Variants in TBC1D9B observed in about 807,000 individuals in gnomAD.
The protein encoded by TBC1D9B is TBC1 domain family, member 9B (with GRAM domain).
TBC1D9B carries 87 observed loss-of-function variants against 121.1 expected under a neutral mutation model. The observed-to-expected ratio is 0.72, with a 90% CI of 0.60 to 0.86. The LOEUF is 0.86. TBC1D9B is among the 40% of genes least tolerant of loss of function. The pLI, the probability that TBC1D9B is intolerant of heterozygous loss-of-function variation, is 0.00. For synonymous variants in TBC1D9B, 668 were observed against 670.1 expected (o/e 1.00, Z 0.05); for missense variants, 1,540 against 1,628.6 (o/e 0.95, Z 0.94).
intron 2 of TBC1D9B, 83 bp from the exon 3 acceptor site, chr5:179,899,390 G>C (rs1024399772): frequency 3.6e-5 from 43 of 1,180,882 alleles, no homozygotes; most frequent in Non-Finnish European, 5.0e-5. Flanking sequence ...AGATGAAAGT[G>C]GGTGACCTCA....
intron 18 of TBC1D9B, chr5:179,867,284 C>T (rs890107029): frequency 1.7e-5 from 13 of 753,842 alleles, no homozygotes; most frequent in South Asian, 6.5e-5. Context: ...GACACGGAGG[C>T]GGTGCAGAGG....
intron 7 of TBC1D9B, 62 bp downstream of exon 7, chr5:179,888,041 G>A (rs1760742465): frequency 6.3e-7 from 1 of 1,596,252 alleles, no homozygotes; most frequent in East Asian, 2.2e-5. Flanking sequence ...CGGGGAGGCT[G>A]ATGGATGCCC....
intron 10 of TBC1D9B, 58 bp from the exon 11 acceptor site, chr5:179,876,095 G>GTCTCT: frequency 6.9e-7 from 1 of 1,459,310 alleles, no homozygotes. Flanking sequence ...AAATAAAACT[G>GTCTCT]TCTCTCCCCA....
At chr5:179,867,622 T>A in intron 18 of TBC1D9B, 156 bp downstream of exon 18, 26 of 1,479,108 alleles carry the variant, frequency 1.8e-5, no homozygotes, top group Non-Finnish European at 2.4e-5. Context: ...CCCGCCAGCA[T>A]GGCAGAGCCC....
At chr5:179,893,802 G>A (rs1319067985) in intron 4 of TBC1D9B, among the ~76,000 whole-genome samples, 3 of 152,084 alleles carry the variant, frequency 2.0e-5, no homozygotes, top group African/African-American at 4.8e-5. Context: ...ACAGCACAGC[G>A]CGGCCAACAC....
intron 10 of TBC1D9B, 105 bp downstream of exon 10, chr5:179,878,204 T>C: frequency 8.3e-7 from 1 of 1,211,550 alleles, no homozygotes; most frequent in Non-Finnish European, 1.1e-6. Flanking sequence ...GCTCCTTCCT[T>C]GGGACACAAG....
intron 4 of TBC1D9B, 73 bp downstream of exon 4, chr5:179,894,313 G>A: frequency 2.9e-6 from 4 of 1,362,948 alleles, no homozygotes; most frequent in Non-Finnish European, 3.0e-6. Context: ...ATGTGGGGAT[G>A]GAGTATCTGG....
In TBC1D9B at chr5:179,885,739, A is replaced by G. The variant is rs940014282; in HGVS notation, c.1254+2364T>C. Among the ~76,000 whole-genome samples, 3 of 152,176 alleles carry G rather than the reference A, an allele frequency of 2.0e-5. No homozygotes were observed. The highest frequency in any genetic ancestry group is 4.4e-5 in the Non-Finnish European group (3 of 68,020). On this transcript the variant is annotated intron_variant, in intron 7 of 20. Transcript: ENST00000355235. This position sits in a 1 kb window ranked among gnomAD's most constrained non-coding sequence, Gnocchi z 4.5. ...CTCCATGGCCACACGTGGCTGCTGT[A>G]CTAGACGGGGCACCTCTAATCCACT...
chr5:179,898,044 G>A (rs1034999284), intron 3 of TBC1D9B, among the ~76,000 whole-genome samples: 10 of 152,142 alleles, frequency 6.6e-5, no homozygotes, highest in Admixed American at 3.9e-4. Context: ...GGCCAGGTGC[G>A]GTGGCTGATG....
At chr5:179,905,692 A>G (rs1359728565) in intron 1 of TBC1D9B, among the ~76,000 whole-genome samples, 1 of 152,150 alleles carries the variant, frequency 6.6e-6, no homozygotes, top group African/African-American at 2.4e-5. Flanking sequence ...AGCTTTTATC[A>G]TTGTTTGATT....
Position 179,872,945 on chromosome 5 carries a change from T to G in TBC1D9B, c.2362A>C (p.Lys788Gln). The G allele has an allele frequency of 6.2e-7, 1 of 1,614,084 alleles. No individual in the cohort carries two copies. The highest frequency in any genetic ancestry group is 2.2e-5 in the East Asian group (1 of 44,868). Residue 788 changes from lysine to glutamine, a missense_variant, in exon 14 of 21, where the codon AAA becomes CAA. By Grantham distance (53) the Lys-to-Gln change is moderately conservative. Coordinates refer to ENST00000355235, the MANE Select transcript of TBC1D9B (RefSeq NM_015043.4). ...GACTGGATCACTTTCAGCCTCTGTT[T>G]AAACCGCATCTGCTCAATGTCTTCG... Reference protein sequence around the residue: ...RAEDIEQMRFKQRLKVIQSLE... With the variant: ...RAEDIEQMRFQQRLKVIQSLE...
intron 13 of TBC1D9B, 62 bp downstream of exon 13, chr5:179,873,057 G>C: frequency 6.2e-7 from 1 of 1,613,358 alleles, no homozygotes; most frequent in South Asian, 1.1e-5. Context: ...CCTGCCCATA[G>C]CCACCCCAAC....
chr5:179,869,281 G>A (rs1394030917), intron 17 of TBC1D9B: 1 of 320,036 alleles, frequency 3.1e-6, no homozygotes, highest in Non-Finnish European at 6.2e-6. Context: ...CTCCTGCTGA[G>A]CCCTGCCCCC....
At position 179,865,171 on chromosome 5, in the gene TBC1D9B, G is replaced by A. The variant is rs1759970331; in HGVS notation, c.3021+83C>T. The A allele has an allele frequency of 7.7e-7, 1 of 1,294,478 alleles. No individual in the cohort carries two copies. The highest frequency in any genetic ancestry group is 1.1e-6 in the Non-Finnish European group (1 of 892,970). 80.2% of individuals were successfully genotyped at this position (1,294,478 alleles called of 1,614,324 possible). A position where few individuals can be genotyped will look rare whatever the true frequency, so the allele number is the denominator to read the frequency against. On this transcript the variant is annotated intron_variant, in intron 20 of 20. Transcript: ENST00000355235. The surrounding 1 kb of genome is among the most constrained non-coding windows in gnomAD (Gnocchi z 5.1). ...GCCTTCCCACCCACCAGGAGATGCT[G>A]CAGTGCAGGTGCGGTGATGTTAGGG...
Position 179,894,406 on chromosome 5 carries a change from G to T in TBC1D9B, c.557C>A (p.Ser186Tyr). 6.2e-7 allele frequency: 1 copy of T among 1,613,642 alleles called. No individual in the cohort carries two copies. Among genetic ancestry groups the T allele is most frequent in the Non-Finnish European group, 8.5e-7 (1 of 1,179,758 alleles). ...YLTVNHLCFY[S>Y]FLLGKEVSLV... is the part of the protein sequence containing the mutation. ...CTCACCTTCCTTCCCCAGCAGGAAG[G>T]AGTAGAAGCACAGGTGGTTGACCGT... The change falls in exon 4 of 21, where the codon TCC becomes TAC. Residue 186 changes from serine to tyrosine, a missense_variant. By Grantham distance (144) the Ser-to-Tyr change is moderately radical. Transcript: ENST00000355235.
Position 179,875,977 on chromosome 5 carries a change from G to A in TBC1D9B, c.1843C>T (p.Leu615Phe). Residue 615 changes from leucine to phenylalanine, a missense_variant, in exon 11 of 21, where the codon CTC becomes TTC. Physicochemically the swap from Leu to Phe is conservative, Grantham distance 22. Coordinates refer to ENST00000355235, the MANE Select transcript of TBC1D9B (RefSeq NM_015043.4). The surrounding 1 kb of genome is among the most constrained non-coding windows in gnomAD (Gnocchi z 4.5). ...ATGCGCTCGCACAGGGCCACCAGGA[G>A]CCAGAAGGCCTCCTCCTCACTGCCA... is the stretch of plus-strand genomic sequence containing the variant. Reference protein sequence around the residue: ...LYGSEEEAFWLLVALCERMLP... With the variant: ...LYGSEEEAFWFLVALCERMLP... The A allele has an allele frequency of 1.2e-6, 2 of 1,612,248 alleles. No individual in the cohort carries two copies. The highest frequency in any genetic ancestry group is 1.7e-6 in the Non-Finnish European group (2 of 1,179,426).
chr5:179,890,421 T>C lies in TBC1D9B; in HGVS notation c.1044+958A>G, dbSNP rs1232738775. Among the ~76,000 whole-genome samples the C allele has an allele frequency of 6.6e-6, 1 of 152,172 alleles. No homozygotes were observed. Among genetic ancestry groups the C allele is most frequent in the African/African-American group, 2.4e-5 (1 of 41,452 alleles). ...CCCCTAGGCCTGGGGGACAGGTCAGTACAGTGCCCCGGACAGATCCACAGG... is the reference window on the plus strand; with the variant it reads ...CCCCTAGGCCTGGGGGACAGGTCAGCACAGTGCCCCGGACAGATCCACAGG... On this transcript the variant is annotated intron_variant, in intron 6 of 20. Coordinates refer to ENST00000355235, the MANE Select transcript of TBC1D9B (RefSeq NM_015043.4). This position sits in a 1 kb window ranked among gnomAD's most constrained non-coding sequence, Gnocchi z 5.0.
intron 17 of TBC1D9B, chr5:179,868,911 G>A (rs1760101464): frequency 6.5e-6 from 1 of 152,794 alleles, no homozygotes; most frequent in Non-Finnish European, 1.5e-5. Flanking sequence ...GCCCAGTGGG[G>A]TCTGTCCTAC....
At chr5:179,882,856 C>A (rs1278643629) in intron 7 of TBC1D9B, among the ~76,000 whole-genome samples, 4 of 152,124 alleles carry the variant, frequency 2.6e-5, no homozygotes, top group Non-Finnish European at 5.9e-5. Flanking sequence ...AAAAGTTACT[C>A]TAAAATGTTG....
Sources: allele counts gnomAD v4.1 joint callset (sites outside exome capture counted in the v4.1 genomes callset), GRCh38; gene constraint gnomAD v4.1.1; non-coding constraint Gnocchi (gnomAD v3.1); transcripts MANE v1.5; gene names NCBI Gene and HGNC (gene_info 2026-07-23, HGNC 2026-07-21).